The following PHF20 variants were observed in gnomAD, a reference collection of about 807,000 sequenced individuals.
The protein encoded by PHF20 is PHD finger protein 20, also known as glioma-expressed antigen 2.
In PHF20, 23 loss-of-function variants were observed where a neutral mutation model predicts 113.5. The observed-to-expected ratio is 0.20, with a 90% CI of 0.15 to 0.29. The LOEUF (loss-of-function observed/expected upper bound fraction) is 0.29, where lower values mean the gene tolerates loss of function less well. Ranked by LOEUF, PHF20 falls within the 10% of genes least tolerant of loss-of-function variation. PHF20 has a pLI of 1.00. For missense variants in PHF20, 943 were observed against 1,219.6 expected, an observed-to-expected ratio of 0.77 and a Z score of 3.38; for synonymous variants, 434 against 457.3, an observed-to-expected ratio of 0.95 and a Z score of 0.65.
intron 3 of PHF20, among the ~76,000 whole-genome samples, chr20:35,846,332 C>G (rs1228394535): frequency 2.0e-5 from 3 of 151,962 alleles, no homozygotes; most frequent in Non-Finnish European, 4.4e-5. Flanking sequence ...GTGGCCGCCA[C>G]CACACAGGCT....
intron 13 of PHF20, among the ~76,000 whole-genome samples, chr20:35,920,211 G>C (rs2055486157): frequency 6.6e-6 from 1 of 152,124 alleles, no homozygotes; most frequent in Admixed American, 6.5e-5. Context: ...TTGGTTAATG[G>C]AATCACGTGG....
At chr20:35,796,818 G>A (rs910423055) in intron 1 of PHF20, among the ~76,000 whole-genome samples, 1 of 152,092 alleles carries the variant, frequency 6.6e-6, no homozygotes, top group Non-Finnish European at 1.5e-5. Context: ...TTTGATAAGA[G>A]GGATTTCTCC....
intron 2 of PHF20, among the ~76,000 whole-genome samples, chr20:35,805,290 C>T: frequency 6.6e-6 from 1 of 151,620 alleles, no homozygotes. Context: ...CTTTGACCTC[C>T]CTTGGCTTAA....
chr20:35,776,628 C>T (rs955195231), intron 1 of PHF20, among the ~76,000 whole-genome samples: 1 of 152,172 alleles, frequency 6.6e-6, no homozygotes, highest in Non-Finnish European at 1.5e-5. Context: ...GGCCCTCTTC[C>T]ACGTGATCCT....
intron 2 of PHF20, among the ~76,000 whole-genome samples, chr20:35,822,480 A>T (rs2042187016): frequency 6.6e-6 from 1 of 151,836 alleles, no homozygotes; most frequent in Admixed American, 6.6e-5. Flanking sequence ...AGTAAATGGG[A>T]TTAAAAAAAT....
At chr20:35,917,337 G>C (rs1360476717) in intron 12 of PHF20, 147 bp from the exon 13 acceptor site, 1 of 771,502 alleles carries the variant, frequency 1.3e-6, no homozygotes, top group African/African-American at 1.7e-5. Flanking sequence ...ACAGATCCAA[G>C]GACAGATTGG....
chr20:35,854,189 C>G (rs1045701673), intron 4 of PHF20, among the ~76,000 whole-genome samples: 1 of 152,194 alleles, frequency 6.6e-6, no homozygotes, highest in Non-Finnish European at 1.5e-5. Context: ...AGAACATGAG[C>G]TTGTTATGCA....
At chr20:35,793,913 T>G (rs779871948) in intron 1 of PHF20, among the ~76,000 whole-genome samples, 1 of 148,008 alleles carries the variant, frequency 6.8e-6, no homozygotes, top group Admixed American at 6.8e-5. Context: ...CAGGAGATGC[T>G]TGAACCTGGG....
chr20:35,820,882 T>C (rs1458630424), intron 2 of PHF20, among the ~76,000 whole-genome samples: 1 of 151,506 alleles, frequency 6.6e-6, no homozygotes, highest in East Asian at 1.9e-4. Context: ...AGGGAGTGAG[T>C]CATGTTAGTA....
At chr20:35,907,562 G>C (rs2055222512) in intron 10 of PHF20, among the ~76,000 whole-genome samples, 1 of 152,214 alleles carries the variant, frequency 6.6e-6, no homozygotes, top group African/African-American at 2.4e-5. Context: ...GATAATAACA[G>C]CTGACATTTG....
intron 9 of PHF20, among the ~76,000 whole-genome samples, chr20:35,887,274 AAATACAGTAGCTGAAAC>A (rs1306760626): frequency 6.6e-6 from 1 of 152,174 alleles, no homozygotes; most frequent in African/African-American, 2.4e-5. Context: ...GTATTACCAC[AAATACAGTAGCTGAAAC>A]AACACATTTG....
intron 6 of PHF20, among the ~76,000 whole-genome samples, chr20:35,864,686 G>A (rs773235651): frequency 6.6e-6 from 1 of 152,124 alleles, no homozygotes; most frequent in Non-Finnish European, 1.5e-5. Flanking sequence ...TGTAGTGCTT[G>A]TAACTGGGTT....
At chr20:35,942,568 A>G (rs1317211110) in intron 17 of PHF20, among the ~76,000 whole-genome samples, 1 of 152,180 alleles carries the variant, frequency 6.6e-6, no homozygotes, top group Non-Finnish European at 1.5e-5. Flanking sequence ...GCAGTGTGGC[A>G]AGGATGGTAG....
At chr20:35,825,433 CT>C (rs1398752263) in intron 2 of PHF20, among the ~76,000 whole-genome samples, 2 of 152,100 alleles carry the variant, frequency 1.3e-5, no homozygotes, top group Non-Finnish European at 2.9e-5. Context: ...GGAGTTTGCA[CT>C]CCCTCCTCAG....
chr20:35,796,165 T>TA (rs1280242960), intron 1 of PHF20, among the ~76,000 whole-genome samples: 7 of 152,238 alleles, frequency 4.6e-5, no homozygotes, highest in Non-Finnish European at 7.4e-5. Flanking sequence ...ATTTTTTTTT[T>TA]ATGCGGGTTT....
At chr20:35,797,939 T>G (rs2041700563) in intron 1 of PHF20, among the ~76,000 whole-genome samples, 2 of 152,026 alleles carry the variant, frequency 1.3e-5, no homozygotes, top group South Asian at 4.2e-4. Context: ...CATGAGCCAC[T>G]GCGCCTAGCC....
intron 14 of PHF20, among the ~76,000 whole-genome samples, chr20:35,928,343 G>A (rs1016141594): frequency 6.6e-6 from 1 of 151,102 alleles, no homozygotes; most frequent in African/African-American, 2.4e-5. Flanking sequence ...GGAGGCTGAG[G>A]CAGGAGAATC....
intron 15 of PHF20, among the ~76,000 whole-genome samples, chr20:35,936,910 A>T (rs144157686): frequency 2.6e-5 from 4 of 152,332 alleles, no homozygotes; most frequent in South Asian, 2.1e-4. Flanking sequence ...TCTGAGCCAA[A>T]TATGAGGACC....
chr20:35,926,539 G>A (rs1263917334), intron 13 of PHF20, among the ~76,000 whole-genome samples: 2 of 132,690 alleles, frequency 1.5e-5, no homozygotes, highest in Non-Finnish European at 3.4e-5. Context: ...GCGCCCGGCC[G>A]ACAGACTTTC....
Sources: gnomAD v4.1 joint callset for allele counts (sites outside exome capture counted in the v4.1 genomes callset) on GRCh38, gnomAD v4.1.1 for gene constraint, MANE v1.5 for transcripts, NCBI Gene and HGNC (gene_info 2026-07-23, HGNC 2026-07-21) for gene names.